GRIP1: variants seen among roughly 807,000 people sequenced by gnomAD.
The protein encoded by GRIP1 is glutamate receptor interacting protein 1, also known as glutamate receptor-interacting protein 1.
GRIP1 carries 45 observed loss-of-function variants against 129.9 expected under a neutral mutation model. That is an observed-to-expected ratio of 0.35 (90% CI 0.27 to 0.44). The LOEUF (loss-of-function observed/expected upper bound fraction) is 0.44, where lower values mean the gene tolerates loss of function less well. GRIP1 is among the 20% of genes least tolerant of loss of function. GRIP1 has a pLI of 1.00. For missense variants in GRIP1, 1,196 were observed against 1,396.8 expected, an observed-to-expected ratio of 0.86 and a Z score of 2.29; for synonymous variants, 530 against 520.8, an observed-to-expected ratio of 1.02 and a Z score of -0.24.
intron 1 of GRIP1, among the ~76,000 whole-genome samples, chr12:66,953,096 C>T (rs1566092669): frequency 6.6e-6 from 1 of 152,146 alleles, no homozygotes; most frequent in Admixed American, 6.5e-5. Flanking sequence ...ACAAAGAAAT[C>T]ATTCAGCCAG....
rs543957541 is a variant in GRIP1, at chr12:66,394,802, A to T, written c.1985-450T>A. ...CGTTTTAAGCTTTACATGCATGCTAACTTTTGATATAGAAAAGTGGATTTT... is the reference window on the plus strand; with the variant it reads ...CGTTTTAAGCTTTACATGCATGCTATCTTTTGATATAGAAAAGTGGATTTT... On this transcript the variant is annotated intron_variant, in intron 16 of 24. Transcript: ENST00000359742. Among the ~76,000 whole-genome samples, 15 of 152,358 alleles carry T rather than the reference A, an allele frequency of 9.8e-5. No individual in the cohort carries two copies. In the South Asian group the frequency reaches 3.1e-3, roughly 32 times the overall value.
chr12:66,851,534 C>T (rs565533444), intron 1 of GRIP1, among the ~76,000 whole-genome samples: 46 of 152,144 alleles, frequency 3.0e-4, no homozygotes, highest in African/African-American at 1.1e-3. Context: ...AAGATTTTAC[C>T]AGCTGGACCT....
At chr12:66,542,062 G>A (rs983999187) in intron 2 of GRIP1, 112 bp from the exon 3 acceptor site, 1 of 912,136 alleles carries the variant, frequency 1.1e-6, no homozygotes, top group Non-Finnish European at 1.8e-6. Context: ...GATATTTATG[G>A]CCTCCTTCCA....
intron 1 of GRIP1, among the ~76,000 whole-genome samples, chr12:66,733,109 C>T (rs909836118): frequency 6.6e-6 from 1 of 152,128 alleles, no homozygotes; most frequent in Non-Finnish European, 1.5e-5. Context: ...CCACCTTAGC[C>T]TCCTGAGAAG....
chr12:66,568,765 C>T (rs569917133), intron 2 of GRIP1: 12 of 242,020 alleles, frequency 5.0e-5, no homozygotes, highest in South Asian at 3.1e-4. Context: ...GAAGTTAGAC[C>T]GCTACTAGGT....
intron 1 of GRIP1, among the ~76,000 whole-genome samples, chr12:66,763,757 G>T (rs897158061): frequency 3.3e-5 from 5 of 152,174 alleles, no homozygotes; most frequent in Admixed American, 3.3e-4. Flanking sequence ...CCTGGACAAA[G>T]AACTTAAGTA....
chr12:66,363,549 C>T (rs2054940352), intron 23 of GRIP1, among the ~76,000 whole-genome samples: 1 of 151,842 alleles, frequency 6.6e-6, no homozygotes, highest in Non-Finnish European at 1.5e-5. Flanking sequence ...CTGCACCTGG[C>T]CCTCCTTATG....
At chr12:66,544,786 T>G (rs948894908) in intron 2 of GRIP1, among the ~76,000 whole-genome samples, 1 of 152,162 alleles carries the variant, frequency 6.6e-6, no homozygotes, top group East Asian at 1.9e-4. Flanking sequence ...CTTTTGGAGT[T>G]TGCTTTTGGC....
intron 1 of GRIP1, among the ~76,000 whole-genome samples, chr12:66,944,538 T>C (rs921355898): frequency 1.6e-5 from 2 of 126,628 alleles, no homozygotes; most frequent in African/African-American, 3.0e-5. Context: ...GGTGGAGGGG[T>C]GGGGGTGCCA....
At chr12:66,647,133 G>GCC (rs1477808075) in intron 1 of GRIP1, among the ~76,000 whole-genome samples, 1 of 152,156 alleles carries the variant, frequency 6.6e-6, no homozygotes, top group African/African-American at 2.4e-5. Context: ...CCTTATGAGT[G>GCC]CAGTAACTGC....
chr12:66,589,991 G>A (rs1039774908), intron 2 of GRIP1, among the ~76,000 whole-genome samples: 3 of 152,128 alleles, frequency 2.0e-5, no homozygotes, highest in Non-Finnish European at 4.4e-5. Flanking sequence ...AGGAATGAGA[G>A]AATTAATTTT....
intron 14 of GRIP1, among the ~76,000 whole-genome samples, chr12:66,426,432 T>A (rs1434167426): frequency 6.6e-6 from 1 of 152,104 alleles, no homozygotes; most frequent in African/African-American, 2.4e-5. Context: ...CAAGGCCCAC[T>A]TTTTTCCCCC....
At chr12:66,420,415 G>GTTTTTT (rs71096102) in intron 15 of GRIP1, among the ~76,000 whole-genome samples, 1 of 127,904 alleles carries the variant, frequency 7.8e-6, no homozygotes. Context: ...TACTTTCAGG[G>GTTTTTT]TTTTTTTTTT....
chr12:66,454,084 T>C (rs17245958), intron 11 of GRIP1, among the ~76,000 whole-genome samples: 35,064 of 152,214 alleles, frequency 0.23, 4,533 homozygotes, highest in Middle Eastern at 0.42. Context: ...GTCTAAATCA[T>C]GTACAAACCA....
intron 1 of GRIP1, among the ~76,000 whole-genome samples, chr12:66,724,865 C>T (rs1179970775): frequency 6.6e-6 from 1 of 152,198 alleles, no homozygotes; most frequent in Non-Finnish European, 1.5e-5. Flanking sequence ...GATGAGCAGG[C>T]TTGTCTATAT....
In GRIP1 at chr12:66,564,354, CCTATGAGTGAGAAGA is replaced by C. The variant is rs528834823; in HGVS notation, c.137-22419_137-22405del. On this transcript the variant is annotated intron_variant, in intron 2 of 24. Transcript: ENST00000359742. ...CAGTGTTCTCATTGTTTAGTTCCCA[CCTATGAGTGAGAAGA>C]TGTAGTGTTTGGTTTTCTGTCCTTG... Among the ~76,000 whole-genome samples, 329 of 148,306 alleles carry C rather than the reference CCTATGAGTGAGAAGA, an allele frequency of 2.2e-3. 3 individuals are homozygous for C. The highest frequency in any genetic ancestry group is 7.6e-3 in the African/African-American group (304 of 40,120).
chr12:66,393,272 G>C (rs574572609), intron 17 of GRIP1, among the ~76,000 whole-genome samples: 1 of 131,690 alleles, frequency 7.6e-6, no homozygotes, highest in Non-Finnish European at 1.5e-5. Context: ...TCCGCATCCC[G>C]GGTTCAAGCA....
At chr12:66,592,251 C>T (rs2063875236) in intron 2 of GRIP1, among the ~76,000 whole-genome samples, 2 of 152,088 alleles carry the variant, frequency 1.3e-5, no homozygotes, top group Admixed American at 1.3e-4. Flanking sequence ...TGTTGAATTT[C>T]CTGGATGCAT....
chr12:66,544,149 T>C (rs1438539289), intron 2 of GRIP1, among the ~76,000 whole-genome samples: 1 of 152,198 alleles, frequency 6.6e-6, no homozygotes, highest in Non-Finnish European at 1.5e-5. Context: ...TATTAAAATA[T>C]AAATTCATCG....
Sources: gnomAD v4.1 joint callset for allele counts (sites outside exome capture counted in the v4.1 genomes callset) on GRCh38, gnomAD v4.1.1 for gene constraint, MANE v1.5 for transcripts, NCBI Gene and HGNC (gene_info 2026-07-23, HGNC 2026-07-21) for gene names.